Variants in PRMT8 observed in about 807,000 individuals in gnomAD.
The protein encoded by PRMT8 is protein arginine methyltransferase 8.
Under a neutral mutation model 47.1 loss-of-function variants are expected in PRMT8, and 7 were observed. The ratio of observed to expected loss-of-function variants is 0.15; its 90% CI spans 0.08 to 0.28. The LOEUF (loss-of-function observed/expected upper bound fraction) is 0.28, where lower values mean the gene tolerates loss of function less well. Ranked by LOEUF, PRMT8 falls within the 10% of genes least tolerant of loss-of-function variation. The probability of loss-of-function intolerance (pLI) is 1.00; values close to 1 mark genes in which losing one functional copy is unlikely to be tolerated. For missense variants in PRMT8, 237 were observed against 505.4 expected (o/e 0.47, Z 5.09); for synonymous variants, 188 against 186.5 (o/e 1.01, Z -0.07).
At chr12:3,425,850 T>A (rs1864598548) in intron 1 of PRMT8, among the ~76,000 whole-genome samples, 1 of 152,248 alleles carries the variant, frequency 6.6e-6, no homozygotes. Flanking sequence ...GAGTGCCCAG[T>A]AAAGGCCTAC....
intron 7 of PRMT8, among the ~76,000 whole-genome samples, chr12:3,579,507 G>T (rs1867012172): frequency 6.6e-6 from 1 of 152,192 alleles, no homozygotes; most frequent in African/African-American, 2.4e-5. Flanking sequence ...CCGGGGCTCT[G>T]GTTCTGTCTC....
intron 4 of PRMT8, among the ~76,000 whole-genome samples, chr12:3,562,374 G>A (rs756550229): frequency 5.3e-5 from 8 of 151,444 alleles, no homozygotes; most frequent in Admixed American, 6.6e-5. Context: ...GTCCTGTGTC[G>A]GGCATAGGGG....
upstream of PRMT8, among the ~76,000 whole-genome samples, chr12:3,488,014 C>T (rs1477332553): frequency 6.6e-6 from 1 of 152,186 alleles, no homozygotes; most frequent in Non-Finnish European, 1.5e-5. Flanking sequence ...GAACCACTGT[C>T]TTGCTCCCTG....
At chr12:3,547,450 A>T (rs1005004645) in intron 2 of PRMT8, among the ~76,000 whole-genome samples, 6 of 152,200 alleles carry the variant, frequency 3.9e-5, no homozygotes. Context: ...AAAATGAAAA[A>T]TTTTAAACAC....
rs1380266217 is a variant in PRMT8, at chr12:3,576,305, C to A, written c.713-566C>A. On this transcript the variant is annotated intron_variant, in intron 6 of 9. Coordinates refer to ENST00000382622, the MANE Select transcript of PRMT8 (RefSeq NM_019854.5). The surrounding 1 kb of genome is among the most constrained non-coding windows in gnomAD (Gnocchi z 4.0). ...GTTCAGAGAGGTTAGGTCATTTGTA[C>A]AAAGGCTGACCAGTAAGTGGTGGTG... Among the ~76,000 whole-genome samples, 1 of 152,168 alleles carries A rather than the reference C, an allele frequency of 6.6e-6. No homozygotes were observed. Among genetic ancestry groups the A allele is most frequent in the Non-Finnish European group, 1.5e-5 (1 of 68,036 alleles).
chr12:3,461,924 A>C (rs1365024023), intron 1 of PRMT8, among the ~76,000 whole-genome samples: 3 of 152,086 alleles, frequency 2.0e-5, no homozygotes, highest in Non-Finnish European at 4.4e-5. Flanking sequence ...TAGGTTCAGG[A>C]TTACATGTGT....
rs895988152 is a variant in PRMT8, at chr12:3,491,293, A to ACCGCCG, written c.-319_-314dup. The ACCGCCG allele has an allele frequency of 2.7e-4, 309 of 1,126,060 alleles. 6 individuals are homozygous for ACCGCCG. In the East Asian group the frequency reaches 0.014, roughly 49 times the overall value. The allele number at this position is 1,126,060 out of a possible 1,614,324, so 69.8% of individuals were successfully genotyped here. A position where few individuals can be genotyped will look rare whatever the true frequency, so the allele number is the denominator to read the frequency against. On this transcript the variant is annotated 5_prime_UTR_variant, in exon 1 of 10. Transcript: ENST00000382622. ...GCGAGCAGCCTGGAGAGGATCCGCG[A>ACCGCCG]CCGCCGCCGCCGCCGCCGCGGAGGC... is the stretch of plus-strand genomic sequence containing the variant.
intron 1 of PRMT8, among the ~76,000 whole-genome samples, chr12:3,529,206 G>T (rs1865990468): frequency 6.6e-6 from 1 of 152,096 alleles, no homozygotes; most frequent in Non-Finnish European, 1.5e-5. Flanking sequence ...AGAGATTACT[G>T]GGTCTGCCTG....
chr12:3,574,286 A>G (rs1866900454), intron 6 of PRMT8, among the ~76,000 whole-genome samples: 1 of 152,218 alleles, frequency 6.6e-6, no homozygotes, highest in African/African-American at 2.4e-5. Flanking sequence ...CATTTTTGGG[A>G]CTTGAAGACA....
intron 4 of PRMT8, among the ~76,000 whole-genome samples, chr12:3,561,627 A>G (rs1241566720): frequency 6.6e-6 from 1 of 152,196 alleles, no homozygotes; most frequent in Non-Finnish European, 1.5e-5. Flanking sequence ...GAATAGGGTC[A>G]TGCAGCCAAG....
At position 3,439,370 on chromosome 12, in the gene PRMT8, C is replaced by G. The variant is rs563376224; in HGVS notation, c.48+57928C>G. Among the ~76,000 whole-genome samples the G allele has an allele frequency of 1.3e-5, 2 of 152,146 alleles. 1 individual carries two copies. The highest frequency in any genetic ancestry group is 4.2e-4 in the South Asian group (2 of 4,816). ...CTCTCCTGGGTACCGGTGGTCTCAACAGAATGGGCTGTCAGTCATGTTACA... is the reference window on the plus strand; with the variant it reads ...CTCTCCTGGGTACCGGTGGTCTCAAGAGAATGGGCTGTCAGTCATGTTACA... On this transcript the variant is annotated intron_variant, in intron 1 of 9. Coordinates refer to the PRMT8 transcript ENST00000452611.
intron 1 of PRMT8, among the ~76,000 whole-genome samples, chr12:3,403,459 C>T (rs555477577): frequency 1.3e-5 from 2 of 151,380 alleles, no homozygotes; most frequent in East Asian, 1.9e-4. Context: ...CACATGTACC[C>T]CTGAACTTAA....
intron 1 of PRMT8, 58 bp downstream of exon 1, chr12:3,491,758 C>A: frequency 1.3e-6 from 2 of 1,535,530 alleles, no homozygotes; most frequent in South Asian, 2.4e-5. Flanking sequence ...CGGACCACCG[C>A]GCCGCCGCCG....
At chr12:3,490,675 AAGAG>A (rs370069857), upstream of PRMT8, among the ~76,000 whole-genome samples, 7,539 of 120,926 alleles carry the variant, frequency 0.062, 267 homozygotes, top group East Asian at 0.11. Flanking sequence ...TTTGGGTACA[AAGAG>A]AGAGAGAGAG....
rs537659417 is a variant in PRMT8 at position 3,442,846 on chromosome 12, A to T, written c.48+61404A>T. ...GCTAATTTTTGTATTTTTAATAGAG[A>T]TGGGGTTTCACTATGTTGGCCAGGC... On this transcript the variant is annotated intron_variant, in intron 1 of 9. Coordinates refer to the PRMT8 transcript ENST00000452611. Among the ~76,000 whole-genome samples the T allele has an allele frequency of 5.9e-4, 89 of 152,024 alleles. No individual in the cohort carries two copies. In the East Asian group the frequency reaches 0.016, roughly 28 times the overall value.
chr12:3,507,057 C>T (rs1030335373), intron 1 of PRMT8, among the ~76,000 whole-genome samples: 1 of 152,034 alleles, frequency 6.6e-6, no homozygotes, highest in African/African-American at 2.4e-5. Context: ...AATTAGGGCC[C>T]CATTTGTCAC....
intron 8 of PRMT8, among the ~76,000 whole-genome samples, chr12:3,590,914 A>G (rs1259800865): frequency 6.6e-6 from 1 of 152,140 alleles, no homozygotes; most frequent in Non-Finnish European, 1.5e-5. Flanking sequence ...TGGAGCTTGC[A>G]GTCCATGGAG....
Position 3,408,135 on chromosome 12 carries a change from C to G in PRMT8, c.48+26693C>G, listed in dbSNP as rs533441250. 4.5e-4 allele frequency among the ~76,000 whole-genome samples: 68 copies of G among 151,182 alleles called. 1 individual carries two copies. Among genetic ancestry groups the G allele is most frequent in the Admixed American group, 7.9e-4 (12 of 15,158 alleles). The stretch of plus-strand genomic sequence containing the variant: ...TTTAATATTTCTACTTCCTTTTCCT[C>G]TCTCCCTCCCTCTCTTTCTCTTTCT... On this transcript the variant is annotated intron_variant, in intron 1 of 9. Transcript: ENST00000452611.
chr12:3,457,628 A>G (rs1285310949), intron 1 of PRMT8, among the ~76,000 whole-genome samples: 2 of 152,096 alleles, frequency 1.3e-5, no homozygotes, highest in Non-Finnish European at 2.9e-5. Context: ...CTTTGTATCT[A>G]TAGTACCTTG....
Sources: gnomAD v4.1 joint callset for allele counts (sites outside exome capture counted in the v4.1 genomes callset) on GRCh38, gnomAD v4.1.1 for gene constraint, Gnocchi (gnomAD v3.1) non-coding constraint, MANE v1.5 for transcripts, NCBI Gene and HGNC (gene_info 2026-07-23, HGNC 2026-07-21) for gene names.